The following DLGAP2 variants were observed in gnomAD, a reference collection of about 807,000 sequenced individuals.
DLGAP2 encodes the protein DLG associated protein 2.
In DLGAP2, 26 loss-of-function variants were observed where a neutral mutation model predicts 100.3. That is an observed-to-expected ratio of 0.26 (90% confidence interval 0.19 to 0.36). The LOEUF (loss-of-function observed/expected upper bound fraction) is 0.36. DLGAP2 is among the 10% of genes least tolerant of loss of function. The pLI, the probability that DLGAP2 is intolerant of heterozygous loss-of-function variation, is 1.00. For missense variants in DLGAP2, 1,858 were observed against 1,453.2 expected (o/e 1.28, Z -4.53); for synonymous variants, 886 against 630.1 (o/e 1.41, Z -6.08).
At chr8:1,626,687 G>T (rs1445527689) in intron 6 of DLGAP2, 53 bp from the exon 7 acceptor site, 10 of 1,552,864 alleles carry the variant, frequency 6.4e-6, no homozygotes, top group Non-Finnish European at 7.8e-6. Flanking sequence ...TCCCACCTCT[G>T]CCCTGCAGCG....
At chr8:778,821 G>A (rs569105004) in intron 1 of DLGAP2, among the ~76,000 whole-genome samples, 143 of 152,354 alleles carry the variant, frequency 9.4e-4, no homozygotes, top group Admixed American at 2.2e-3. Context: ...CCCCAGAAGT[G>A]GAGCCTACAG....
At chr8:877,066 T>C (rs1219814363) in intron 1 of DLGAP2, among the ~76,000 whole-genome samples, 2 of 152,226 alleles carry the variant, frequency 1.3e-5, no homozygotes, top group South Asian at 2.1e-4. Flanking sequence ...TAGTCTCCTT[T>C]GGTTCTGGGA....
intron 3 of DLGAP2, among the ~76,000 whole-genome samples, chr8:1,481,661 A>G (rs980679387): frequency 1.3e-5 from 2 of 151,684 alleles, no homozygotes; most frequent in African/African-American, 4.8e-5. Flanking sequence ...TATTTTTAGT[A>G]AAGACGGGGT....
intron 2 of DLGAP2, among the ~76,000 whole-genome samples, chr8:1,017,892 T>A (rs1801513972): frequency 6.6e-6 from 1 of 152,244 alleles, no homozygotes; most frequent in African/African-American, 2.4e-5. Context: ...GCCACTGAGT[T>A]TGCAGAGAAA....
At chr8:1,223,046 G>T (rs1185391656) in intron 2 of DLGAP2, among the ~76,000 whole-genome samples, 2 of 152,152 alleles carry the variant, frequency 1.3e-5, no homozygotes, top group Admixed American at 6.5e-5. Context: ...AACTCCTTGG[G>T]CACTTCTCCC....
At chr8:923,552 C>T (rs1023255678) in intron 2 of DLGAP2, among the ~76,000 whole-genome samples, 16 of 152,164 alleles carry the variant, frequency 1.1e-4, no homozygotes, top group Admixed American at 5.2e-4. Context: ...TTAGGATATT[C>T]GCTAAGAAGG....
chr8:924,697 C>T (rs541114206), intron 2 of DLGAP2, among the ~76,000 whole-genome samples: 1 of 152,130 alleles, frequency 6.6e-6, no homozygotes, highest in African/African-American at 2.4e-5. Flanking sequence ...ATTTTCCTGC[C>T]TCAGCCTCCT....
chr8:1,174,241 T>C (rs936420081), intron 2 of DLGAP2, among the ~76,000 whole-genome samples: 1 of 152,028 alleles, frequency 6.6e-6, no homozygotes, highest in African/African-American at 2.4e-5. Context: ...GGGAATGTGA[T>C]AAGTCTACCC....
At chr8:1,316,448 C>T (rs62486212) in intron 3 of DLGAP2, among the ~76,000 whole-genome samples, 10,939 of 122,464 alleles carry the variant, frequency 0.089, 98 homozygotes, top group South Asian at 0.11. Flanking sequence ...GGTCTACACT[C>T]GAGAAACTCG....
At chr8:1,378,776 T>C (rs1796024864) in intron 3 of DLGAP2, among the ~76,000 whole-genome samples, 1 of 152,248 alleles carries the variant, frequency 6.6e-6, no homozygotes, top group Non-Finnish European at 1.5e-5. Flanking sequence ...AGTCTTTCCT[T>C]ATGCAGTTTC....
At chr8:1,577,563 C>G (rs1287140342) in intron 6 of DLGAP2, among the ~76,000 whole-genome samples, 9 of 84,568 alleles carry the variant, frequency 1.1e-4, no homozygotes, top group Non-Finnish European at 1.7e-4. Flanking sequence ...ATTACACTCT[C>G]TCTCAAAAAA....
At chr8:1,144,520 C>A (rs1315906424) in intron 2 of DLGAP2, among the ~76,000 whole-genome samples, 1 of 152,202 alleles carries the variant, frequency 6.6e-6, no homozygotes, top group Non-Finnish European at 1.5e-5. Context: ...ACAAAAGATT[C>A]TTGCTTTGTC....
At chr8:1,038,550 A>T (rs1287227644) in intron 2 of DLGAP2, among the ~76,000 whole-genome samples, 2 of 152,274 alleles carry the variant, frequency 1.3e-5, no homozygotes, top group Admixed American at 6.5e-5. Context: ...CTAGAAATAA[A>T]TATTAAACGT....
chr8:1,298,479 G>T (rs183995515), intron 3 of DLGAP2, among the ~76,000 whole-genome samples: 16 of 152,276 alleles, frequency 1.1e-4, no homozygotes, highest in Non-Finnish European at 4.4e-5. Context: ...GGACACACAG[G>T]AGGGAGCTGA....
At chr8:1,451,810 C>G (rs1798167394) in intron 3 of DLGAP2, among the ~76,000 whole-genome samples, 1 of 152,190 alleles carries the variant, frequency 6.6e-6, no homozygotes, top group South Asian at 2.1e-4. Context: ...GTCCGGATAT[C>G]CCACTAGGTA....
At chr8:1,422,847 A>C (rs543556960) in intron 3 of DLGAP2, among the ~76,000 whole-genome samples, 5 of 152,274 alleles carry the variant, frequency 3.3e-5, no homozygotes, top group African/African-American at 1.2e-4. Flanking sequence ...TGCTCAGGGC[A>C]GAGTTGGATG....
chr8:1,262,904 G>A (rs1799380422), intron 3 of DLGAP2, among the ~76,000 whole-genome samples: 1 of 152,130 alleles, frequency 6.6e-6, no homozygotes, highest in African/African-American at 2.4e-5. Flanking sequence ...GGATTTGTCT[G>A]TTGGTTTACA....
intron 2 of DLGAP2, among the ~76,000 whole-genome samples, chr8:1,094,154 A>G (rs1016797954): frequency 1.3e-4 from 20 of 152,164 alleles, no homozygotes; most frequent in Non-Finnish European, 2.8e-4. Context: ...TCTTGATGCC[A>G]GGGCCCATTT....
chr8:1,667,014 C>T (rs1798560860), intron 8 of DLGAP2, among the ~76,000 whole-genome samples: 3 of 152,220 alleles, frequency 2.0e-5, no homozygotes, highest in South Asian at 2.1e-4. Context: ...GAGACGCCCA[C>T]GTGCGCACTC....
Sources: gnomAD v4.1 joint callset for allele counts (sites outside exome capture counted in the v4.1 genomes callset) on GRCh38, gnomAD v4.1.1 for gene constraint, MANE v1.5 for transcripts, NCBI Gene and HGNC (gene_info 2026-07-23, HGNC 2026-07-21) for gene names.